The following NKAIN2 variants were observed in gnomAD, a reference collection of about 807,000 sequenced individuals.
The protein encoded by NKAIN2 is sodium/potassium transporting ATPase interacting 2.
A neutral mutation model predicts 32.6 loss-of-function variants in NKAIN2; 14 were observed. The ratio of observed to expected loss-of-function variants is 0.43; its 90% CI spans 0.28 to 0.67. The LOEUF is 0.67. Among genes scored for constraint, NKAIN2 ranks in the 30% least tolerant of loss-of-function variants. NKAIN2 has a pLI of 0.17. For synonymous variants in NKAIN2, 80 were observed against 87.2 expected (o/e 0.92, Z 0.46); for missense variants, 198 against 258.3 (o/e 0.77, Z 1.60).
chr6:123,933,782 T>A (rs913302139), intron 1 of NKAIN2, among the ~76,000 whole-genome samples: 1 of 152,234 alleles, frequency 6.6e-6, no homozygotes, highest in Admixed American at 6.5e-5. Context: ...TACCTTGTAC[T>A]CACTTTGAGT....
chr6:124,439,543 C>T (rs544401185), intron 3 of NKAIN2, among the ~76,000 whole-genome samples: 1 of 151,890 alleles, frequency 6.6e-6, no homozygotes, highest in Admixed American at 6.6e-5. Flanking sequence ...TCCTTAGGGT[C>T]TGTATTAGGC....
rs150741262 is a variant in NKAIN2, at chr6:124,224,173, C to A, written c.55-58832C>A. ...ATTTACATTCATATTAATTTACGTACAGTATGCACATATTTTCATGCATTC... is the reference window on the plus strand; with the variant it reads ...ATTTACATTCATATTAATTTACGTAAAGTATGCACATATTTTCATGCATTC... On this transcript the variant is annotated intron_variant, in intron 1 of 6. Coordinates refer to ENST00000368417, the MANE Select transcript of NKAIN2 (RefSeq NM_001040214.3). 2.0e-5 allele frequency among the ~76,000 whole-genome samples: 3 copies of A among 152,224 alleles called. No individual in the cohort carries two copies. The East Asian group carries it at 5.8e-4, about 29-fold the overall frequency.
At chr6:124,638,881 C>A (rs1405731719) in intron 3 of NKAIN2, among the ~76,000 whole-genome samples, 4 of 98,822 alleles carry the variant, frequency 4.0e-5, no homozygotes, top group Non-Finnish European at 7.8e-5. Flanking sequence ...CAGAGTGAGA[C>A]TCTGTCAAAA....
At chr6:124,451,423 A>G (rs1180902788) in intron 3 of NKAIN2, among the ~76,000 whole-genome samples, 8 of 152,194 alleles carry the variant, frequency 5.3e-5, no homozygotes, top group Admixed American at 2.6e-4. Flanking sequence ...TTAGTTATAT[A>G]AGCTAGATGA....
At chr6:123,810,215 T>C (rs192572776) in intron 1 of NKAIN2, among the ~76,000 whole-genome samples, 1 of 152,250 alleles carries the variant, frequency 6.6e-6, no homozygotes, top group Admixed American at 6.5e-5. Flanking sequence ...GTGGAGAAGC[T>C]TGGATTCAAA....
At chr6:124,507,547 T>G (rs1196501559) in intron 3 of NKAIN2, among the ~76,000 whole-genome samples, 1 of 152,208 alleles carries the variant, frequency 6.6e-6, no homozygotes, top group Non-Finnish European at 1.5e-5. Flanking sequence ...AACATTTCTC[T>G]CTATCACAAC....
chr6:123,913,971 C>T (rs1303706475), intron 1 of NKAIN2, among the ~76,000 whole-genome samples: 2 of 151,992 alleles, frequency 1.3e-5, no homozygotes, highest in Admixed American at 6.6e-5. Flanking sequence ...ATTCTATGTG[C>T]TTTTACATAT....
At chr6:123,881,863 G>A (rs1387250767) in intron 1 of NKAIN2, among the ~76,000 whole-genome samples, 1 of 152,060 alleles carries the variant, frequency 6.6e-6, no homozygotes, top group Non-Finnish European at 1.5e-5. Flanking sequence ...ACATGAATAT[G>A]ACACTTTTAG....
At chr6:124,535,341 T>C (rs1244492831) in intron 3 of NKAIN2, among the ~76,000 whole-genome samples, 1 of 152,238 alleles carries the variant, frequency 6.6e-6, no homozygotes, top group Non-Finnish European at 1.5e-5. Context: ...ACTAATTAAG[T>C]CACATTGAAT....
At chr6:124,817,317 T>C (rs1234144156) in intron 5 of NKAIN2, among the ~76,000 whole-genome samples, 2 of 152,152 alleles carry the variant, frequency 1.3e-5, no homozygotes, top group Non-Finnish European at 2.9e-5. Flanking sequence ...TTCTTCTTCT[T>C]CTAATGTGGC....
chr6:123,862,879 C>T lies in NKAIN2; in HGVS notation c.54+58625C>T, dbSNP rs144076601. Among the ~76,000 whole-genome samples, 177 of 152,222 alleles carry T rather than the reference C, an allele frequency of 1.2e-3. 2 individuals carry two copies. Among genetic ancestry groups the T allele is most frequent in the African/African-American group, 3.6e-3 (148 of 41,530 alleles). ...TATCTGTCATTTTCCTCCTACTGTA[C>T]GGTAAAGTCTTTGTTGGGTAAAGAT... On this transcript the variant is annotated intron_variant, in intron 1 of 6. Coordinates refer to ENST00000368417, the MANE Select transcript of NKAIN2 (RefSeq NM_001040214.3).
intron 1 of NKAIN2, among the ~76,000 whole-genome samples, chr6:124,143,106 T>C (rs1474526187): frequency 6.6e-6 from 1 of 152,216 alleles, no homozygotes; most frequent in Non-Finnish European, 1.5e-5. Context: ...ATCAAAACCC[T>C]AAGCACATAT....
intron 1 of NKAIN2, among the ~76,000 whole-genome samples, chr6:123,821,575 G>T (rs1161220646): frequency 6.6e-6 from 1 of 152,154 alleles, no homozygotes; most frequent in Non-Finnish European, 1.5e-5. Context: ...CCAGCACTCA[G>T]TATTAGCAGT....
At chr6:124,218,488 A>T (rs1008975092) in intron 1 of NKAIN2, among the ~76,000 whole-genome samples, 8 of 152,174 alleles carry the variant, frequency 5.3e-5, no homozygotes, top group African/African-American at 1.9e-4. Flanking sequence ...TCTTAATAGG[A>T]CACCTATTTC....
chr6:123,848,794 G>T (rs763822099), intron 1 of NKAIN2, among the ~76,000 whole-genome samples: 1 of 152,138 alleles, frequency 6.6e-6, no homozygotes, highest in Non-Finnish European at 1.5e-5. Flanking sequence ...GGTCATTGGT[G>T]ATATCTCTTT....
In NKAIN2 at chr6:124,687,268, C is replaced by A. The variant is rs1022841685; in HGVS notation, c.474+28882C>A. Among the ~76,000 whole-genome samples the A allele has an allele frequency of 1.4e-3, 196 of 136,276 alleles. 1 individual carries two copies. Among genetic ancestry groups the A allele is most frequent in the African/African-American group, 5.0e-3 (178 of 35,776 alleles). 89.4% of individuals were successfully genotyped at this position (136,276 alleles called of 152,430 possible). A position where few individuals can be genotyped will look rare whatever the true frequency, so the allele number is the denominator to read the frequency against. On this transcript the variant is annotated intron_variant, in intron 4 of 6. Transcript: ENST00000368417. ...TATATATTACCTATATATATTCTCT[C>A]TATATATAGAGAGAGAATATATATA... is the stretch of plus-strand genomic sequence containing the variant.
At chr6:123,857,264 T>C (rs1434658240) in intron 1 of NKAIN2, among the ~76,000 whole-genome samples, 1 of 50,814 alleles carries the variant, frequency 2.0e-5, no homozygotes, top group African/African-American at 1.0e-4. Flanking sequence ...TGATTTAGAT[T>C]TTTTTTTTTT....
chr6:123,998,861 C>T (rs1222226555), intron 1 of NKAIN2, among the ~76,000 whole-genome samples: 1 of 149,626 alleles, frequency 6.7e-6, no homozygotes, highest in African/African-American at 2.5e-5. Flanking sequence ...AAAATGACTG[C>T]TCTACAATTA....
At chr6:123,908,166 T>C (rs764689548) in intron 1 of NKAIN2, among the ~76,000 whole-genome samples, 7 of 152,172 alleles carry the variant, frequency 4.6e-5, no homozygotes, top group Admixed American at 2.6e-4. Flanking sequence ...GCATTTATCT[T>C]TGCAGTCTTT....
Sources: allele counts gnomAD v4.1 joint callset (sites outside exome capture counted in the v4.1 genomes callset), GRCh38; gene constraint gnomAD v4.1.1; transcripts MANE v1.5; gene names NCBI Gene and HGNC (gene_info 2026-07-23, HGNC 2026-07-21).